AEBP1: variants seen among roughly 807,000 people sequenced by gnomAD.
The protein encoded by AEBP1 is AE binding protein 1, also known as adipocyte enhancer-binding protein 1.
Under a neutral mutation model 116.5 loss-of-function variants are expected in AEBP1, and 69 were observed. That is an observed-to-expected ratio of 0.59 (90% CI 0.49 to 0.72). The LOEUF (loss-of-function observed/expected upper bound fraction) is 0.72. AEBP1 is among the 30% of genes least tolerant of loss of function. AEBP1 has a pLI of 0.00. For synonymous variants in AEBP1, 627 were observed against 627.3 expected, an observed-to-expected ratio of 1.00 and a Z score of 0.01; for missense variants, 1,444 against 1,557.5, an observed-to-expected ratio of 0.93 and a Z score of 1.23.
rs2096229638 is a variant in AEBP1, at chr7:44,111,736, G to A, written c.1840+106G>A. The A allele has an allele frequency of 6.4e-7, 1 of 1,551,566 alleles. No homozygotes were observed. The highest frequency in any genetic ancestry group is 8.7e-7 in the Non-Finnish European group (1 of 1,146,944). Reference sequence around the variant, plus strand: ...TCTGGGGATTCTGGCTTGTCTTACAGGGCCCTAGGAGCCCCAGCTGTCCCC... The same window carrying A: ...TCTGGGGATTCTGGCTTGTCTTACAAGGCCCTAGGAGCCCCAGCTGTCCCC... On this transcript the variant is annotated intron_variant, in intron 15 of 20. Coordinates refer to ENST00000223357, the MANE Select transcript of AEBP1 (RefSeq NM_001129.5). This position sits in a 1 kb window ranked among gnomAD's most constrained non-coding sequence, Gnocchi z 4.7.
At chr7:44,110,397 C>A in intron 11 of AEBP1, 51 bp downstream of exon 11, 1 of 1,611,504 alleles carries the variant, frequency 6.2e-7, no homozygotes, top group Non-Finnish European at 8.5e-7. Context: ...GCTACATAGG[C>A]ATGGCTCTGT....
chr7:44,109,265 T>G (rs370269256), intron 8 of AEBP1, 23 bp from the exon 9 acceptor site: 2 of 1,610,834 alleles, frequency 1.2e-6, no homozygotes, highest in Non-Finnish European at 1.7e-6. Context: ...CTTGGTGCCA[T>G]GTCCTCCCTT....
chr7:44,112,683 G>A lies in AEBP1; in HGVS notation c.2343G>A (p.Gln781=), dbSNP rs2096230913. Residue 781 remains glutamine, a synonymous_variant, in exon 18 of 21, where the codon CAG becomes CAA. Coordinates refer to ENST00000223357, the MANE Select transcript of AEBP1 (RefSeq NM_001129.5). The surrounding 1 kb of genome is among the most constrained non-coding windows in gnomAD (Gnocchi z 6.6). ...YPYDMARTPT[Q]EQLLAAAMAA... ...ACGATATGGCCCGCACGCCTACCCAGGAGCAGCTGCTGGCCGCAGCCATGG... is the reference window on the plus strand; with the variant it reads ...ACGATATGGCCCGCACGCCTACCCAAGAGCAGCTGCTGGCCGCAGCCATGG... 1.9e-6 allele frequency: 3 copies of A among 1,613,118 alleles called. No individual in the cohort carries two copies. The highest frequency in any genetic ancestry group is 1.7e-6 in the Non-Finnish European group (2 of 1,179,994).
intron 10 of AEBP1, 30 bp from the exon 11 acceptor site, chr7:44,110,177 C>T (rs770758237): frequency 1.2e-6 from 2 of 1,613,284 alleles, no homozygotes; most frequent in South Asian, 1.1e-5. Context: ...CTCCTCCGCC[C>T]ATGCTCAGCC....
At position 44,113,670 on chromosome 7, in the gene AEBP1, G is replaced by C. The variant is rs756955828; in HGVS notation, c.2886G>C (p.Pro962=). Residue 962 remains proline, a synonymous_variant, in exon 21 of 21, where the codon CCG becomes CCC. Transcript: ENST00000223357. This position sits in a 1 kb window ranked among gnomAD's most constrained non-coding sequence, Gnocchi z 5.3. The part of the protein sequence containing the change: ...RVTAHAEGYT[P]SAKTCNVDYD... Reference sequence around the variant, plus strand: ...CAGCCCACGCGGAGGGCTACACCCCGAGCGCCAAGACCTGCAATGTTGACT... The same window carrying C: ...CAGCCCACGCGGAGGGCTACACCCCCAGCGCCAAGACCTGCAATGTTGACT... 2 of 1,613,922 alleles carry C rather than the reference G, an allele frequency of 1.2e-6. No individual in the cohort carries two copies. The highest frequency in any genetic ancestry group is 1.1e-5 in the South Asian group (1 of 91,088).
Position 44,106,850 on chromosome 7 carries a change from C to A in AEBP1, c.558C>A (p.Pro186=), listed in dbSNP as rs767880203. The part of the protein sequence containing the change: ...SETLEWPLPP[P]PSPGPEELPQ... ...CCCTGGAGTGGCCACTGCCCCCACC[C>A]CCCAGCCCTGGCCCCGAGGAGCTAC... The change falls in exon 2 of 21, where the codon CCC becomes CCA. Residue 186 remains proline, a synonymous_variant. Coordinates refer to ENST00000223357, the MANE Select transcript of AEBP1 (RefSeq NM_001129.5). The A allele has an allele frequency of 3.1e-6, 5 of 1,600,436 alleles. No individual in the cohort carries two copies. Among genetic ancestry groups the A allele is most frequent in the Non-Finnish European group, 4.3e-6 (5 of 1,174,912 alleles).
In AEBP1 at chr7:44,108,777, T is replaced by A. The variant is rs2096225658; in HGVS notation, c.941-122T>A. On this transcript the variant is annotated intron_variant, in intron 6 of 20. Transcript: ENST00000223357. This position sits in a 1 kb window ranked among gnomAD's most constrained non-coding sequence, Gnocchi z 5.0. ...GCAAGACCCTCTCCCAACTCAGCTG[T>A]CCCCCATCTCCCGTCCTCCTCCCCT... 7 of 848,936 alleles carry A rather than the reference T, an allele frequency of 8.2e-6. No individual in the cohort carries two copies. Among genetic ancestry groups the A allele is most frequent in the Non-Finnish European group, 1.3e-5 (7 of 535,350 alleles). 52.6% of individuals were successfully genotyped at this position (848,936 alleles called of 1,614,324 possible).
chr7:44,113,527 G>A lies in AEBP1; in HGVS notation c.2810-67G>A. On this transcript the variant is annotated intron_variant, in intron 20 of 20. Coordinates refer to ENST00000223357, the MANE Select transcript of AEBP1 (RefSeq NM_001129.5). This position sits in a 1 kb window ranked among gnomAD's most constrained non-coding sequence, Gnocchi z 5.3. ...AGGGGGAGGGCGGGGCTGGGGGCAG[G>A]ACTGAGTGGGAGGGTGGGGGCCTGG... 7.4e-7 allele frequency: 1 copy of A among 1,343,852 alleles called. No homozygotes were observed. The highest frequency in any genetic ancestry group is 9.8e-7 in the Non-Finnish European group (1 of 1,025,236). The allele number at this position is 1,343,852 out of a possible 1,614,324, so 83.2% of individuals were successfully genotyped here. A position where few individuals can be genotyped will look rare whatever the true frequency, so the allele number is the denominator to read the frequency against.
chr7:44,110,955 G>T lies in AEBP1; in HGVS notation c.1528G>T (p.Glu510Ter), dbSNP rs752628184. The change falls in exon 13 of 21, where the codon GAG (glutamate) becomes TAG (stop). Residue 510 changes from glutamate to a stop codon, truncating the protein, a stop_gained. Transcript: ENST00000223357. LOFTEE classifies it high-confidence loss of function. The stretch of plus-strand genomic sequence containing the variant: ...GGACAAGGACACACCCGTGCTGAGT[G>T]AGCTCCCAGAGCCGGTGGTGGCTCG... Reference protein sequence around the residue: ...NVDKDTPVLSELPEPVVARFI... With the variant: ...NVDKDTPVLS 1 of 1,614,030 alleles carries T rather than the reference G, an allele frequency of 6.2e-7. No homozygotes were observed. The highest frequency in any genetic ancestry group is 1.1e-5 in the South Asian group (1 of 91,082).
At position 44,104,780 on chromosome 7, in the gene AEBP1, G is replaced by T. The variant is rs767491556; in HGVS notation, c.115G>T (p.Glu39Ter). The T allele has an allele frequency of 6.2e-7, 1 of 1,611,438 alleles. No individual in the cohort carries two copies. Among genetic ancestry groups the T allele is most frequent in the Non-Finnish European group, 8.5e-7 (1 of 1,179,454 alleles). The change falls in exon 1 of 21, where the codon GAG becomes TAG. Residue 39 changes from glutamate to a stop codon, truncating the protein, a stop_gained. Coordinates refer to ENST00000223357, the MANE Select transcript of AEBP1 (RefSeq NM_001129.5). LOFTEE classifies it high-confidence loss of function. ...LTDDEIEEFL[E>*]GFLSELEPEP... ...CGACGACGAGATCGAGGAGTTCCTCGAGGGCTTCCTGTCAGAGCTAGAACC... is the reference window on the plus strand; with the variant it reads ...CGACGACGAGATCGAGGAGTTCCTCTAGGGCTTCCTGTCAGAGCTAGAACC...
In AEBP1 at chr7:44,106,311, C is replaced by T. The variant is rs1558469; in HGVS notation, c.254-235C>T. 0.39 allele frequency: 268,550 copies of T among 681,420 alleles called. 55,575 individuals carry two copies. The highest frequency in any genetic ancestry group is 0.52 in the South Asian group (34,658 of 66,600). 42.2% of individuals were successfully genotyped at this position (681,420 alleles called of 1,614,324 possible). A position where few individuals can be genotyped will look rare whatever the true frequency, so the allele number is the denominator to read the frequency against. On this transcript the variant is annotated intron_variant, in intron 1 of 20. Coordinates refer to ENST00000223357, the MANE Select transcript of AEBP1 (RefSeq NM_001129.5). ...CTCCCCCTGGGAACTGGGAACCCTA[C>T]GCTCAGTCTTTAGAGAGGTTGAGAT...
chr7:44,105,203 C>T (rs977841796), intron 1 of AEBP1, among the ~76,000 whole-genome samples: 3 of 152,214 alleles, frequency 2.0e-5, no homozygotes, highest in African/African-American at 7.2e-5. Flanking sequence ...CTCCAGTACG[C>T]GACAGGTACT....
Position 44,104,461 on chromosome 7 carries a change from G to GC in AEBP1, c.-199dup, listed in dbSNP as rs2096220776. On this transcript the variant is annotated 5_prime_UTR_variant, in exon 1 of 21. Coordinates refer to ENST00000223357, the MANE Select transcript of AEBP1 (RefSeq NM_001129.5). Reference sequence around the variant, plus strand: ...ACCCCTGAGCCCCTCTGGCTTCGGAGCCCCCCAGCACCCCTTCCCGGGTCC... The same window carrying GC: ...ACCCCTGAGCCCCTCTGGCTTCGGAGCCCCCCCAGCACCCCTTCCCGGGTCC... 2 of 420,888 alleles carry GC rather than the reference G, an allele frequency of 4.8e-6. No individual in the cohort carries two copies. Among genetic ancestry groups the GC allele is most frequent in the Admixed American group, 8.8e-5 (2 of 22,754 alleles). The allele number at this position is 420,888 out of a possible 1,614,324, so 26.1% of individuals were successfully genotyped here.
At position 44,107,482 on chromosome 7, in the gene AEBP1, C is replaced by T; in HGVS notation, c.639C>T (p.Thr213=). The T allele has an allele frequency of 6.2e-7, 1 of 1,613,442 alleles. No individual in the cohort carries two copies. The highest frequency in any genetic ancestry group is 8.5e-7 in the Non-Finnish European group (1 of 1,179,984). ...ACTGGCAGAATCCAGGAGAGGAGAC[C>T]CATGTGGAGGCACGGGAGCACCAGC... ...SNNWQNPGEE[T]HVEAREHQPE... is the part of the protein sequence containing the mutation. Residue 213 remains threonine (T), a synonymous_variant, in exon 3 of 21, where the codon ACC becomes ACT. Coordinates refer to ENST00000223357, the MANE Select transcript of AEBP1 (RefSeq NM_001129.5). This position sits in a 1 kb window ranked among gnomAD's most constrained non-coding sequence, Gnocchi z 4.3.
Position 44,111,304 on chromosome 7 carries a change from G to A in AEBP1, c.1716+65G>A. On this transcript the variant is annotated intron_variant, in intron 14 of 20. Transcript: ENST00000223357. The surrounding 1 kb of genome is among the most constrained non-coding windows in gnomAD (Gnocchi z 4.7). ...CTGTGGCTGACGGGAGTGTGTGCCTGGTGCTTCTGTCACTGGGCCCAGTCC... is the reference window on the plus strand; with the variant it reads ...CTGTGGCTGACGGGAGTGTGTGCCTAGTGCTTCTGTCACTGGGCCCAGTCC... 6.9e-7 allele frequency: 1 copy of A among 1,447,950 alleles called. No individual in the cohort carries two copies. The highest frequency in any genetic ancestry group is 9.2e-7 in the Non-Finnish European group (1 of 1,088,934). The allele number at this position is 1,447,950 out of a possible 1,614,324, so 89.7% of individuals were successfully genotyped here. A position where few individuals can be genotyped will look rare whatever the true frequency, so the allele number is the denominator to read the frequency against.
In AEBP1 at chr7:44,114,554, C is replaced by G; in HGVS notation, c.*293C>G. 1 of 623,850 alleles carries G rather than the reference C, an allele frequency of 1.6e-6. No individual in the cohort carries two copies. Among genetic ancestry groups the G allele is most frequent in the Non-Finnish European group, 2.8e-6 (1 of 359,008 alleles). The allele number at this position is 623,850 out of a possible 1,614,324, so 38.6% of individuals were successfully genotyped here. On this transcript the variant is annotated 3_prime_UTR_variant, in exon 21 of 21. Transcript: ENST00000223357. ...CAAGGTCACTCCAATAAAACAAGCT[C>G]ATGGCACGGACTGCTCACATTCTGA... is the stretch of plus-strand genomic sequence containing the variant.
Position 44,112,165 on chromosome 7 carries a change from G to A in AEBP1, c.2061G>A (p.Ala687=), listed in dbSNP as rs558299236. 8 of 1,602,106 alleles carry A rather than the reference G, an allele frequency of 5.0e-6. No homozygotes were observed. Among genetic ancestry groups the A allele is most frequent in the Non-Finnish European group, 6.0e-6 (7 of 1,171,072 alleles). ...AGGGCTCAGAGTTTGGGAACTGGGCGCTGGGACTGTGGACTGAGGAGGGCT... is the reference window on the plus strand; with the variant it reads ...AGGGCTCAGAGTTTGGGAACTGGGCACTGGGACTGTGGACTGAGGAGGGCT... ...AQMGSEFGNW[A]LGLWTEEGFD... Residue 687 remains alanine, a synonymous_variant, in exon 17 of 21, where the codon GCG becomes GCA. Transcript: ENST00000223357. This position sits in a 1 kb window ranked among gnomAD's most constrained non-coding sequence, Gnocchi z 6.6.
At position 44,104,569 on chromosome 7, in the gene AEBP1, C is replaced by A; in HGVS notation, c.-97C>A. The A allele has an allele frequency of 1.3e-6, 1 of 781,842 alleles. No individual in the cohort carries two copies. Among genetic ancestry groups the A allele is most frequent in the Non-Finnish European group, 1.9e-6 (1 of 534,820 alleles). The allele number at this position is 781,842 out of a possible 1,614,324, so 48.4% of individuals were successfully genotyped here. A position where few individuals can be genotyped will look rare whatever the true frequency, so the allele number is the denominator to read the frequency against. On this transcript the variant is annotated 5_prime_UTR_variant, in exon 1 of 21. Transcript: ENST00000223357. ...CCTCTCTCCCGCCCCTTCCTGGATTCCCTCACCCGTCTCGATCCCCTCTCC... is the reference window on the plus strand; with the variant it reads ...CCTCTCTCCCGCCCCTTCCTGGATTACCTCACCCGTCTCGATCCCCTCTCC...
In AEBP1 at chr7:44,108,142, GGT is replaced by G; in HGVS notation, c.940+62_940+63del. On this transcript the variant is annotated intron_variant, in intron 6 of 20. Transcript: ENST00000223357. The surrounding 1 kb of genome is among the most constrained non-coding windows in gnomAD (Gnocchi z 5.0). Reference sequence around the variant, plus strand: ...ATAGGCAGGTGGGGGTCGGGGCTGGGGTGTGGTCAGGAGCCAGCTGGGGCAAC... The same window carrying G: ...ATAGGCAGGTGGGGGTCGGGGCTGGGGTGGTCAGGAGCCAGCTGGGGCAAC... 6.6e-7 allele frequency: 1 copy of G among 1,516,680 alleles called. No homozygotes were observed. The highest frequency in any genetic ancestry group is 8.9e-7 in the Non-Finnish European group (1 of 1,118,746). The allele number at this position is 1,516,680 out of a possible 1,614,324, so 94.0% of individuals were successfully genotyped here. A position where few individuals can be genotyped will look rare whatever the true frequency, so the allele number is the denominator to read the frequency against.
Sources: gnomAD v4.1 joint callset for allele counts (sites outside exome capture counted in the v4.1 genomes callset) on GRCh38, gnomAD v4.1.1 for gene constraint, Gnocchi (gnomAD v3.1) non-coding constraint, MANE v1.5 for transcripts, NCBI Gene and HGNC (gene_info 2026-07-23, HGNC 2026-07-21) for gene names.